Variants in SAMD4A observed in about 807,000 individuals in gnomAD.
SAMD4A encodes sterile alpha motif domain containing 4A.
SAMD4A carries 33 observed loss-of-function variants against 81.3 expected under a neutral mutation model. The observed-to-expected ratio is 0.41, with a 90% CI of 0.31 to 0.54. SAMD4A has a LOEUF of 0.54. Ranked by LOEUF, SAMD4A falls within the 20% of genes least tolerant of loss-of-function variation. The pLI is 0.37. For synonymous variants in SAMD4A, 389 were observed against 382.1 expected (o/e 1.02, Z -0.21); for missense variants, 854 against 951.1 (o/e 0.90, Z 1.34).
At chr14:54,638,118 G>C (rs1300359981) in intron 2 of SAMD4A, among the ~76,000 whole-genome samples, 3 of 152,136 alleles carry the variant, frequency 2.0e-5, no homozygotes, top group African/African-American at 7.2e-5. Flanking sequence ...GGAGATTATG[G>C]CACAGCATAT....
chr14:54,660,222 C>T (rs2035610615), intron 2 of SAMD4A, among the ~76,000 whole-genome samples: 1 of 152,178 alleles, frequency 6.6e-6, no homozygotes, highest in African/African-American at 2.4e-5. Context: ...TATTTCCTTT[C>T]ATCCTCATAG....
At chr14:54,657,694 C>T (rs2035550767) in intron 2 of SAMD4A, among the ~76,000 whole-genome samples, 2 of 152,188 alleles carry the variant, frequency 1.3e-5, no homozygotes, top group South Asian at 2.1e-4. Flanking sequence ...AGTCTCCTTT[C>T]TAGGGGTCAG....
rs187400134 is a variant in SAMD4A at position 54,581,939 on chromosome 14, G to A, written c.196+13827G>A. Among the ~76,000 whole-genome samples the A allele has an allele frequency of 1.6e-3, 244 of 152,210 alleles. 1 individual carries two copies. Among genetic ancestry groups the A allele is most frequent in the African/African-American group, 5.6e-3 (232 of 41,540 alleles). ...CCTTTCACTGAACAAGCGTTCGTTG[G>A]AAAAAGAGAAGGCTTTCTTGTCATT... On this transcript the variant is annotated intron_variant, in intron 2 of 12. Coordinates refer to ENST00000554335, the MANE Select transcript of SAMD4A (RefSeq NM_015589.6).
intron 2 of SAMD4A, among the ~76,000 whole-genome samples, chr14:54,637,864 G>T (rs2035074005): frequency 6.6e-6 from 1 of 152,160 alleles, no homozygotes; most frequent in Non-Finnish European, 1.5e-5. Context: ...TGCCACTCAG[G>T]ATCTCTTGAA....
At chr14:54,700,665 G>A (rs150590005) in intron 2 of SAMD4A, among the ~76,000 whole-genome samples, 1 of 152,292 alleles carries the variant, frequency 6.6e-6, no homozygotes, top group Non-Finnish European at 1.5e-5. Flanking sequence ...ATCTCCAGGT[G>A]TCAGGAATGA....
At position 54,621,329 on chromosome 14, in the gene SAMD4A, G is replaced by C. The variant is rs1012018859; in HGVS notation, c.196+53217G>C. 3.3e-5 allele frequency among the ~76,000 whole-genome samples: 5 copies of C among 152,198 alleles called. No homozygotes were observed. In the South Asian group the frequency reaches 1.0e-3, roughly 32 times the overall value. ...CCTGAAGACCACTCTCTATGTGTTT[G>C]TTCTCAGAACATATTTTGTTTGTTT... is the stretch of plus-strand genomic sequence containing the variant. On this transcript the variant is annotated intron_variant, in intron 2 of 12. Transcript: ENST00000554335.
At chr14:54,689,226 C>T (rs182763570) in intron 2 of SAMD4A, among the ~76,000 whole-genome samples, 1 of 152,280 alleles carries the variant, frequency 6.6e-6, no homozygotes, top group Non-Finnish European at 1.5e-5. Context: ...AGCCACCGCG[C>T]CCGGCCCAGA....
intron 3 of SAMD4A, among the ~76,000 whole-genome samples, chr14:54,731,461 T>C (rs2037556878): frequency 6.6e-6 from 1 of 152,238 alleles, no homozygotes; most frequent in African/African-American, 2.4e-5. Flanking sequence ...TCACAGGGAA[T>C]TGGCCAGGAC....
chr14:54,751,598 T>G, intron 6 of SAMD4A, 61 bp downstream of exon 6: 1 of 1,089,488 alleles, frequency 9.2e-7, no homozygotes, highest in African/African-American at 1.6e-5. Flanking sequence ...CCAAGGAAAA[T>G]TCTCCACTGG....
chr14:54,612,972 CT>C (rs1201517475), intron 2 of SAMD4A, among the ~76,000 whole-genome samples: 9 of 152,084 alleles, frequency 5.9e-5, no homozygotes, highest in Admixed American at 3.3e-4. Context: ...CAAAAATTAG[CT>C]GGGCATGGTG....
Position 54,702,267 on chromosome 14 carries a change from C to G in SAMD4A, c.402C>G (p.Ala134=). 1 of 1,614,168 alleles carries G rather than the reference C, an allele frequency of 6.2e-7. No individual in the cohort carries two copies. The highest frequency in any genetic ancestry group is 8.5e-7 in the Non-Finnish European group (1 of 1,180,022). Residue 134 remains alanine (A), a synonymous_variant, in exon 3 of 13, where the codon GCC becomes GCG. Transcript: ENST00000554335. ...QLLSYALIHP[A]TSLEDRSALA... The stretch of plus-strand genomic sequence containing the variant: ...TGTCCTATGCTTTGATACATCCAGC[C>G]ACTTCGTTAGAAGACCGTAGTGCTT...
rs558060326 is a variant in SAMD4A at position 54,687,880 on chromosome 14, A to G, written c.197-14182A>G. The G allele has an allele frequency of 5.9e-5, 50 of 847,730 alleles. No homozygotes were observed. In the African/African-American group the frequency reaches 6.6e-4, roughly 11 times the overall value. 52.5% of individuals were successfully genotyped at this position (847,730 alleles called of 1,614,324 possible). On this transcript the variant is annotated intron_variant, in intron 2 of 12. Transcript: ENST00000554335. ...TGTCACAGGAGCTCAAATCAGGGCC[A>G]CGTGTCCCTGAATGGGGCTGGGCTG...
intron 2 of SAMD4A, among the ~76,000 whole-genome samples, chr14:54,679,412 T>C (rs970945576): frequency 6.6e-6 from 1 of 152,234 alleles, no homozygotes; most frequent in South Asian, 2.1e-4. Context: ...TAGTCTTTTC[T>C]AAAAATGCCA....
At chr14:54,644,929 T>A (rs991240979) in intron 2 of SAMD4A, among the ~76,000 whole-genome samples, 27 of 152,192 alleles carry the variant, frequency 1.8e-4, no homozygotes, top group African/African-American at 6.3e-4. Flanking sequence ...CTTCTACCAC[T>A]ACCAGATGAG....
intron 2 of SAMD4A, among the ~76,000 whole-genome samples, chr14:54,639,245 G>A (rs144711285): frequency 5.3e-5 from 8 of 152,302 alleles, no homozygotes; most frequent in Non-Finnish European, 8.8e-5. Context: ...TGTTGCGTGG[G>A]GGCACGAAAT....
intron 3 of SAMD4A, among the ~76,000 whole-genome samples, chr14:54,735,530 C>T (rs377601495): frequency 1.3e-5 from 2 of 152,142 alleles, no homozygotes; most frequent in Admixed American, 6.6e-5. Flanking sequence ...CTAGCCCTTC[C>T]GATTGTCCCC....
chr14:54,607,342 T>C (rs2034235770), intron 2 of SAMD4A, among the ~76,000 whole-genome samples: 1 of 152,044 alleles, frequency 6.6e-6, no homozygotes, highest in East Asian at 1.9e-4. Flanking sequence ...AAAATGCCTC[T>C]AGTCAGGAGA....
chr14:54,707,102 CTTTTTTTT>C (rs11412662), intron 3 of SAMD4A, among the ~76,000 whole-genome samples: 2 of 130,444 alleles, frequency 1.5e-5, no homozygotes, highest in African/African-American at 5.8e-5. Flanking sequence ...TATGGACATA[CTTTTTTTT>C]TTTTTTTTTT....
intron 2 of SAMD4A, among the ~76,000 whole-genome samples, chr14:54,684,515 G>A (rs1383427799): frequency 6.6e-6 from 1 of 152,180 alleles, no homozygotes; most frequent in Non-Finnish European, 1.5e-5. Flanking sequence ...TCCCTGCCCT[G>A]CACACCGTAC....
Sources: allele counts gnomAD v4.1 joint callset (sites outside exome capture counted in the v4.1 genomes callset), GRCh38; gene constraint gnomAD v4.1.1; transcripts MANE v1.5; gene names NCBI Gene and HGNC (gene_info 2026-07-23, HGNC 2026-07-21).